Variants in BACH2 observed in about 807,000 individuals in gnomAD.
BACH2 encodes transcription regulator protein BACH2.
A neutral mutation model predicts 61.8 loss-of-function variants in BACH2; 5 were observed. The ratio of observed to expected loss-of-function variants is 0.08; its 90% CI spans 0.04 to 0.17. The LOEUF is 0.17. BACH2 is among the 10% of genes least tolerant of loss of function. The pLI, the probability that BACH2 is intolerant of heterozygous loss-of-function variation, is 1.00. For synonymous variants in BACH2, 446 were observed against 440.1 expected (o/e 1.01, Z -0.17); for missense variants, 824 against 1,091.1 (o/e 0.76, Z 3.45).
intron 5 of BACH2, among the ~76,000 whole-genome samples, chr6:90,009,460 C>A (rs1252043887): frequency 6.6e-6 from 1 of 152,186 alleles, no homozygotes. Flanking sequence ...CACTTCAAGG[C>A]AAAGCACAAT....
At chr6:90,209,249 AAT>A in intron 3 of BACH2, among the ~76,000 whole-genome samples, 1 of 123,024 alleles carries the variant, frequency 8.1e-6, no homozygotes, top group South Asian at 3.0e-4. Flanking sequence ...ATATTTTAAC[AAT>A]AATGTACAAC....
chr6:89,962,196 G>C (rs1369958996), intron 6 of BACH2, among the ~76,000 whole-genome samples: 7 of 152,164 alleles, frequency 4.6e-5, no homozygotes, highest in Non-Finnish European at 1.0e-4. Context: ...TCCCCCTGCA[G>C]TTTGGGGGCT....
chr6:90,249,682 G>A lies in BACH2; in HGVS notation c.-275+2831C>T, dbSNP rs377352568. ...AACTACTCGAGAGGCTGACGTGGGGGAATCACCTGAGCCCAGGGAGCTGCT... is the reference window on the plus strand; with the variant it reads ...AACTACTCGAGAGGCTGACGTGGGGAAATCACCTGAGCCCAGGGAGCTGCT... On this transcript the variant is annotated intron_variant, in intron 3 of 8. Coordinates refer to ENST00000257749, the MANE Select transcript of BACH2 (RefSeq NM_021813.4). Among the ~76,000 whole-genome samples the A allele has an allele frequency of 1.9e-3, 289 of 152,196 alleles. 8 individuals are homozygous for A. The South Asian group carries it at 0.034, about 18-fold the overall frequency.
intron 7 of BACH2, among the ~76,000 whole-genome samples, chr6:89,942,674 C>T (rs898759378): frequency 1.1e-4 from 16 of 152,076 alleles, no homozygotes; most frequent in African/African-American, 2.9e-4. Context: ...GGGAAGGGCA[C>T]GAGGGATTCA....
At chr6:90,050,905 G>T (rs1279434508) in intron 5 of BACH2, among the ~76,000 whole-genome samples, 1 of 151,682 alleles carries the variant, frequency 6.6e-6, no homozygotes, top group Non-Finnish European at 1.5e-5. Context: ...CCAAGTAGTT[G>T]GGATTACAGG....
At chr6:90,026,963 A>G (rs533140698) in intron 5 of BACH2, among the ~76,000 whole-genome samples, 23 of 152,294 alleles carry the variant, frequency 1.5e-4, no homozygotes, top group African/African-American at 5.5e-4. Flanking sequence ...GGCAGCATCT[A>G]ATGGGGTGAA....
intron 5 of BACH2, among the ~76,000 whole-genome samples, chr6:90,028,976 A>G (rs1042405542): frequency 3.3e-5 from 5 of 152,186 alleles, no homozygotes; most frequent in Admixed American, 2.0e-4. Context: ...ACATATAGTA[A>G]CTGGTCCATC....
chr6:90,068,932 C>A (rs1014337650), intron 5 of BACH2, among the ~76,000 whole-genome samples: 1 of 152,172 alleles, frequency 6.6e-6, no homozygotes, highest in Non-Finnish European at 1.5e-5. Flanking sequence ...ATCACACTTA[C>A]AGCATGTACC....
intron 4 of BACH2, among the ~76,000 whole-genome samples, chr6:90,114,979 T>C (rs1414541470): frequency 1.3e-5 from 2 of 151,940 alleles, no homozygotes; most frequent in Admixed American, 1.3e-4. Flanking sequence ...GTGAAAGATC[T>C]CTACAATAAG....
intron 5 of BACH2, among the ~76,000 whole-genome samples, chr6:90,058,091 C>T (rs1233728253): frequency 6.6e-6 from 1 of 152,214 alleles, no homozygotes; most frequent in African/African-American, 2.4e-5. Context: ...CTCACCACTC[C>T]TATTCAACAT....
chr6:90,253,746 T>C (rs1770886848), intron 2 of BACH2, among the ~76,000 whole-genome samples: 1 of 152,196 alleles, frequency 6.6e-6, no homozygotes, highest in Non-Finnish European at 1.5e-5. Flanking sequence ...CCAAGTGTAT[T>C]TTAAAGAGAA....
At chr6:90,140,848 T>C (rs1278405222) in intron 4 of BACH2, among the ~76,000 whole-genome samples, 3 of 152,244 alleles carry the variant, frequency 2.0e-5, no homozygotes, top group South Asian at 2.1e-4. Flanking sequence ...TGGCAACTTA[T>C]ATTAAATACT....
At chr6:89,975,299 G>C (rs1775592494) in intron 6 of BACH2, among the ~76,000 whole-genome samples, 1 of 152,190 alleles carries the variant, frequency 6.6e-6, no homozygotes, top group Non-Finnish European at 1.5e-5. Flanking sequence ...AACTATCTTG[G>C]TATGGAACTC....
At chr6:90,204,303 A>G (rs1157337301) in intron 4 of BACH2, among the ~76,000 whole-genome samples, 1 of 152,040 alleles carries the variant, frequency 6.6e-6, no homozygotes, top group Admixed American at 6.6e-5. Context: ...CACACCCACA[A>G]CAATATTTCT....
intron 4 of BACH2, among the ~76,000 whole-genome samples, chr6:90,189,904 A>G (rs1768508233): frequency 6.6e-6 from 1 of 152,086 alleles, no homozygotes; most frequent in African/African-American, 2.4e-5. Flanking sequence ...CTCCCCTCTG[A>G]AGCCTCTGCT....
chr6:90,098,667 T>C (rs762869006), intron 4 of BACH2, among the ~76,000 whole-genome samples: 2 of 152,196 alleles, frequency 1.3e-5, no homozygotes, highest in Non-Finnish European at 2.9e-5. Context: ...TAAGAATCCA[T>C]AAACCTCAGG....
chr6:90,212,344 G>A (rs1459760767), intron 3 of BACH2, among the ~76,000 whole-genome samples: 1 of 152,156 alleles, frequency 6.6e-6, no homozygotes, highest in South Asian at 2.1e-4. Context: ...CCAAGTGGCT[G>A]GCTCATTCCC....
At chr6:89,966,145 C>T (rs914073921) in intron 6 of BACH2, among the ~76,000 whole-genome samples, 3 of 152,134 alleles carry the variant, frequency 2.0e-5, no homozygotes, top group Non-Finnish European at 4.4e-5. Flanking sequence ...GTTGATACAG[C>T]AGCAATGATA....
intron 4 of BACH2, among the ~76,000 whole-genome samples, chr6:90,099,031 C>A (rs558206313): frequency 2.6e-5 from 4 of 152,132 alleles, no homozygotes; most frequent in Admixed American, 2.6e-4. Flanking sequence ...CCTTGTGGAA[C>A]TTTTGTTTTA....
Sources: gnomAD v4.1 joint callset for allele counts (sites outside exome capture counted in the v4.1 genomes callset) on GRCh38, gnomAD v4.1.1 for gene constraint, MANE v1.5 for transcripts, NCBI Gene and HGNC (gene_info 2026-07-23, HGNC 2026-07-21) for gene names.